The following BICDL1 variants were observed in gnomAD, a reference collection of about 807,000 sequenced individuals.
BICDL1 encodes the protein BICD family like cargo adaptor 1, also known as BICD family-like cargo adapter 1.
In BICDL1, 20 loss-of-function variants were observed where a neutral mutation model predicts 76.8. That is an observed-to-expected ratio of 0.26 (90% CI 0.18 to 0.38). The LOEUF is 0.38. Among genes scored for constraint, BICDL1 ranks in the 10% least tolerant of loss-of-function variants. The pLI is 1.00. For missense variants in BICDL1, 700 were observed against 798.6 expected (o/e 0.88, Z 1.49); for synonymous variants, 383 against 337.1 (o/e 1.14, Z -1.49).
intron 2 of BICDL1, among the ~76,000 whole-genome samples, chr12:120,023,613 A>AC (rs1467040914): frequency 6.6e-6 from 1 of 152,020 alleles, no homozygotes; most frequent in Non-Finnish European, 1.5e-5. Flanking sequence ...ACAATGGTGA[A>AC]CCCCATCTCT....
intron 2 of BICDL1, among the ~76,000 whole-genome samples, chr12:120,032,033 AGTGAGCTATGATC>A (rs1212322455): frequency 1.3e-5 from 2 of 152,192 alleles, no homozygotes; most frequent in African/African-American, 2.4e-5. Flanking sequence ...TTGAGGCTGC[AGTGAGCTATGATC>A]ACACTACTGC....
intron 1 of BICDL1, among the ~76,000 whole-genome samples, chr12:119,994,721 C>T (rs922670671): frequency 1.3e-5 from 2 of 152,180 alleles, no homozygotes; most frequent in Non-Finnish European, 2.9e-5. Flanking sequence ...AACTCCTGAC[C>T]TCGTGATCTG....
chr12:119,989,711 C>A lies in BICDL1; in HGVS notation c.-158C>A, dbSNP rs1341530961. On this transcript the variant is annotated 5_prime_UTR_variant, in exon 1 of 10. Coordinates refer to ENST00000548673, the MANE Select transcript of BICDL1 (RefSeq NM_001367886.1). ...CCGCCGGCGCGGGGGAGGGGCGGGC[C>A]GGCGCGCGCCGCGCCCAGGGCTCGC... Among the ~76,000 whole-genome samples the A allele has an allele frequency of 6.9e-6, 1 of 145,042 alleles. No homozygotes were observed.
intron 2 of BICDL1, among the ~76,000 whole-genome samples, chr12:120,021,679 C>T (rs1450947857): frequency 2.0e-5 from 3 of 149,532 alleles, no homozygotes; most frequent in Admixed American, 6.7e-5. Flanking sequence ...GTGGGCAGAT[C>T]ACCAGAGGTC....
chr12:120,093,025 G>A lies in BICDL1; in HGVS notation c.1730G>A (p.Arg577Gln), dbSNP rs766115497. 36 of 1,581,358 alleles carry A rather than the reference G, an allele frequency of 2.3e-5. No individual in the cohort carries two copies. The highest frequency in any genetic ancestry group is 2.8e-5 in the Non-Finnish European group (33 of 1,161,918). ...GATGACATGCACAGGGTCATTGACC[G>A]GCAGCTGATGGACACGCACCTGAAA... is the stretch of plus-strand genomic sequence containing the variant. The part of the protein sequence containing the change: ...WQDDMHRVID[R>Q]QLMDTHLKER... The change falls in exon 10 of 10, where the codon CGG becomes CAG. Residue 577 changes from arginine (R) to glutamine (Q), a missense_variant. Arg to Gln is a conservative substitution (Grantham distance 43). Transcript: ENST00000548673.
chr12:120,088,431 A>C (rs1215279476), intron 8 of BICDL1, among the ~76,000 whole-genome samples: 1 of 151,840 alleles, frequency 6.6e-6, no homozygotes, highest in Admixed American at 6.6e-5. Context: ...ATCTGGGCTC[A>C]CTGCAAGCTC....
intron 2 of BICDL1, among the ~76,000 whole-genome samples, chr12:120,054,000 C>G (rs577356408): frequency 6.6e-6 from 1 of 151,886 alleles, no homozygotes; most frequent in Non-Finnish European, 1.5e-5. Flanking sequence ...TGGTGAAACC[C>G]TGTCTCTACT....
At chr12:120,041,813 C>T (rs1166341983) in intron 2 of BICDL1, among the ~76,000 whole-genome samples, 1 of 151,882 alleles carries the variant, frequency 6.6e-6, no homozygotes, top group Non-Finnish European at 1.5e-5. Context: ...AGCAAGTAGG[C>T]CAGTATGAGT....
At position 120,071,742 on chromosome 12, in the gene BICDL1, C is replaced by T. The variant is rs770974484; in HGVS notation, c.1030C>T (p.Leu344Phe). The change falls in exon 5 of 10, where the codon CTC (leucine) becomes TTC (phenylalanine). Residue 344 changes from leucine to phenylalanine, a missense_variant. By Grantham distance (22) the Leu-to-Phe change is conservative. Coordinates refer to ENST00000548673, the MANE Select transcript of BICDL1 (RefSeq NM_001367886.1). This position sits in a 1 kb window ranked among gnomAD's most constrained non-coding sequence, Gnocchi z 4.8. Reference protein sequence around the residue: ...LQSSAATSTSLLSEIEQSMEA... With the variant: ...LQSSAATSTSFLSEIEQSMEA... Reference sequence around the variant, plus strand: ...GAGCTCTGCCGCCACCAGCACATCCCTCCTGTCAGAGATCGAGCAGAGCAT... The same window carrying T: ...GAGCTCTGCCGCCACCAGCACATCCTTCCTGTCAGAGATCGAGCAGAGCAT... 6.2e-7 allele frequency: 1 copy of T among 1,612,244 alleles called. No individual in the cohort carries two copies. The highest frequency in any genetic ancestry group is 8.5e-7 in the Non-Finnish European group (1 of 1,179,852).
rs1016096051 is a variant in BICDL1 at position 119,989,450 on chromosome 12, C to T, written c.-419C>T. The stretch of plus-strand genomic sequence containing the variant: ...CGCAGCCCGCCCCGTGAGGCGCTGC[C>T]CGGCCGGCGGCGGCAGCAGCAGCAG... On this transcript the variant is annotated 5_prime_UTR_variant, in exon 1 of 10. Transcript: ENST00000548673. Among the ~76,000 whole-genome samples the T allele has an allele frequency of 6.1e-5, 7 of 115,630 alleles. No homozygotes were observed. Among genetic ancestry groups the T allele is most frequent in the African/African-American group, 2.5e-4 (7 of 27,650 alleles). The allele number at this position is 115,630 out of a possible 152,430, so 75.9% of individuals were successfully genotyped here.
intron 8 of BICDL1, 38 bp from the exon 9 acceptor site, chr12:120,089,913 C>G: frequency 6.2e-7 from 1 of 1,609,632 alleles, no homozygotes; most frequent in South Asian, 1.1e-5. Context: ...GCCTCTGGCA[C>G]AAGGTGTCCA....
At chr12:119,999,763 A>T (rs1239007875) in intron 2 of BICDL1, 1 of 443,842 alleles carries the variant, frequency 2.3e-6, no homozygotes, top group East Asian at 7.1e-5. Context: ...TATTTTAGAA[A>T]ATTAAGACTT....
chr12:120,053,382 A>C (rs1223875424), intron 2 of BICDL1, among the ~76,000 whole-genome samples: 1 of 151,960 alleles, frequency 6.6e-6, no homozygotes, highest in East Asian at 1.9e-4. Flanking sequence ...TGCGCCTTCT[A>C]TTTTCATCAT....
chr12:120,057,077 AC>A (rs1409259233), intron 2 of BICDL1: 2 of 522,092 alleles, frequency 3.8e-6, no homozygotes, highest in Admixed American at 1.9e-5. Flanking sequence ...GTCCTCCTCC[AC>A]CTCTGATGCA....
At chr12:119,990,996 C>G (rs1193843863) in intron 1 of BICDL1, among the ~76,000 whole-genome samples, 4 of 152,342 alleles carry the variant, frequency 2.6e-5, no homozygotes, top group East Asian at 1.9e-4. Flanking sequence ...ATTACTTTAA[C>G]TTCTGTTATA....
intron 2 of BICDL1, among the ~76,000 whole-genome samples, chr12:120,032,810 G>A (rs543361734): frequency 1.4e-5 from 2 of 144,714 alleles, no homozygotes; most frequent in East Asian, 2.1e-4. Context: ...TCAGTGGCAC[G>A]ATCTTGGCTC....
intron 2 of BICDL1, among the ~76,000 whole-genome samples, chr12:120,017,178 G>A (rs1354181873): frequency 6.6e-6 from 1 of 152,236 alleles, no homozygotes; most frequent in Non-Finnish European, 1.5e-5. Flanking sequence ...TTACAGGCGT[G>A]AGCCATCGTG....
intron 2 of BICDL1, among the ~76,000 whole-genome samples, chr12:120,037,032 A>C (rs11065002): frequency 0.043 from 6,592 of 152,210 alleles, 216 homozygotes; most frequent in Non-Finnish European, 0.071. Context: ...GTTTTAATAT[A>C]TGTGTTTCTG....
Position 120,089,087 on chromosome 12 carries a change from A to C in BICDL1, c.1584-864A>C, listed in dbSNP as rs183303179. 6.6e-5 allele frequency among the ~76,000 whole-genome samples: 10 copies of C among 152,352 alleles called. No individual in the cohort carries two copies. In the East Asian group the frequency reaches 1.7e-3, roughly 26 times the overall value. ...TATCTTCGCACACCTCTGTATCTTC[A>C]GGACAGTTCCCCTAAGGGGGATTGC... On this transcript the variant is annotated intron_variant, in intron 8 of 9. Transcript: ENST00000548673.
Sources: allele counts gnomAD v4.1 joint callset (sites outside exome capture counted in the v4.1 genomes callset), GRCh38; gene constraint gnomAD v4.1.1; non-coding constraint Gnocchi (gnomAD v3.1); transcripts MANE v1.5; gene names NCBI Gene and HGNC (gene_info 2026-07-23, HGNC 2026-07-21).